Variants in XKR6 observed in about 807,000 individuals in gnomAD.
The protein encoded by XKR6 is XK related 6.
In XKR6, 22 loss-of-function variants were observed where a neutral mutation model predicts 56.7. The observed-to-expected ratio is 0.39, with a 90% CI of 0.28 to 0.55. XKR6 has a LOEUF of 0.55. Ranked by LOEUF, XKR6 falls within the 20% of genes least tolerant of loss-of-function variation. The pLI is 0.66. For synonymous variants in XKR6, 524 were observed against 387.8 expected (o/e 1.35, Z -4.13); for missense variants, 852 against 889.0 (o/e 0.96, Z 0.53).
intron 1 of XKR6, among the ~76,000 whole-genome samples, chr8:11,166,784 G>A (rs1256319296): frequency 6.6e-6 from 1 of 152,094 alleles, no homozygotes; most frequent in Non-Finnish European, 1.5e-5. Context: ...TGTTGGCCAG[G>A]CTGGTCTGGA....
In XKR6 at chr8:11,184,394, C is replaced by CAT. The variant is rs1398561818; in HGVS notation, c.764+16181_764+16182insAT. Among the ~76,000 whole-genome samples the CAT allele has an allele frequency of 3.8e-3, 231 of 61,506 alleles. 1 individual carries two copies. Among genetic ancestry groups the CAT allele is most frequent in the Middle Eastern group, 0.027 (3 of 110 alleles). The allele number at this position is 61,506 out of a possible 152,430, so 40.4% of individuals were successfully genotyped here. A position where few individuals can be genotyped will look rare whatever the true frequency, so the allele number is the denominator to read the frequency against. ...ATATATATATATACACACATACACACACACACACACACACACACACACACA... is the reference window on the plus strand; with the variant it reads ...ATATATATATATACACACATACACACATACACACACACACACACACACACACA... On this transcript the variant is annotated intron_variant, in intron 1 of 2. Transcript: ENST00000416569.
chr8:11,084,942 G>C (rs1027165657), intron 1 of XKR6, among the ~76,000 whole-genome samples: 3 of 152,170 alleles, frequency 2.0e-5, no homozygotes, highest in Non-Finnish European at 4.4e-5. Flanking sequence ...ATCTGCTGAA[G>C]AACAGCATCC....
chr8:11,043,585 G>T lies in XKR6; in HGVS notation c.765-118755C>A, dbSNP rs143939285. Among the ~76,000 whole-genome samples the T allele has an allele frequency of 5.9e-5, 9 of 152,344 alleles. No individual in the cohort carries two copies. The East Asian group carries it at 9.6e-4, about 16-fold the overall frequency. ...GCACTGGGTCTTGCACTTCCCCTGG[G>T]CAGAGTCAGTCCAGGAAATCTCTAC... is the stretch of plus-strand genomic sequence containing the variant. On this transcript the variant is annotated intron_variant, in intron 1 of 2. Coordinates refer to ENST00000416569, the MANE Select transcript of XKR6 (RefSeq NM_173683.4).
intron 1 of XKR6, among the ~76,000 whole-genome samples, chr8:11,078,242 C>T (rs946315059): frequency 1.3e-5 from 2 of 152,148 alleles, no homozygotes; most frequent in African/African-American, 4.8e-5. Flanking sequence ...TTGAATTTCT[C>T]ACTGTGTGCC....
intron 1 of XKR6, among the ~76,000 whole-genome samples, chr8:11,031,693 A>C (rs1329156710): frequency 2.9e-5 from 4 of 139,026 alleles, no homozygotes; most frequent in African/African-American, 1.4e-4. Context: ...AGCATTCTAG[A>C]AGAAGACATT....
chr8:11,068,084 T>TA (rs1471744512), intron 1 of XKR6, among the ~76,000 whole-genome samples: 1 of 152,216 alleles, frequency 6.6e-6, no homozygotes, highest in Non-Finnish European at 1.5e-5. Context: ...CCTGACTCAA[T>TA]AGTGGTGTGT....
At chr8:11,021,662 C>G (rs1798752284) in intron 1 of XKR6, among the ~76,000 whole-genome samples, 1 of 152,162 alleles carries the variant, frequency 6.6e-6, no homozygotes, top group African/African-American at 2.4e-5. Flanking sequence ...ACTTTGTTGT[C>G]AAGCACATCA....
At chr8:11,002,734 C>A (rs1798272219) in intron 1 of XKR6, among the ~76,000 whole-genome samples, 1 of 152,350 alleles carries the variant, frequency 6.6e-6, no homozygotes, top group South Asian at 2.1e-4. Flanking sequence ...CTTCTTCCAC[C>A]ACCATCATAG....
intron 1 of XKR6, among the ~76,000 whole-genome samples, chr8:11,009,289 T>C (rs1162105067): frequency 6.6e-6 from 1 of 152,170 alleles, no homozygotes; most frequent in Non-Finnish European, 1.5e-5. Flanking sequence ...GGTGAGCAGA[T>C]TGCTTGAGCC....
chr8:11,089,030 A>C (rs1797982886), intron 1 of XKR6, among the ~76,000 whole-genome samples: 1 of 152,344 alleles, frequency 6.6e-6, no homozygotes, highest in East Asian at 1.9e-4. Context: ...TAGTCAGAGT[A>C]AGGGACAGGA....
intron 1 of XKR6, among the ~76,000 whole-genome samples, chr8:11,003,514 T>G (rs1208497004): frequency 6.6e-6 from 1 of 152,210 alleles, no homozygotes; most frequent in African/African-American, 2.4e-5. Context: ...ATCACTGTCA[T>G]AGCTACCAGA....
rs540683313 is a variant in XKR6, at chr8:11,068,063, C to T, written c.764+132513G>A. Among the ~76,000 whole-genome samples the T allele has an allele frequency of 5.3e-5, 8 of 152,332 alleles. No individual in the cohort carries two copies. In the South Asian group the frequency reaches 8.3e-4, roughly 16 times the overall value. On this transcript the variant is annotated intron_variant, in intron 1 of 2. Transcript: ENST00000416569. ...TGACTTTTCCTCCTGTCTCCAGGGCCGGCCTCAGCACCTGACTCAATAGTG... is the reference window on the plus strand; with the variant it reads ...TGACTTTTCCTCCTGTCTCCAGGGCTGGCCTCAGCACCTGACTCAATAGTG...
At chr8:11,068,527 C>T (rs753613617) in intron 1 of XKR6, among the ~76,000 whole-genome samples, 5 of 152,320 alleles carry the variant, frequency 3.3e-5, no homozygotes, top group African/African-American at 4.8e-5. Context: ...CCTGCTGCTC[C>T]GTGCCTGCAC....
chr8:11,135,969 C>T (rs531260565), intron 1 of XKR6, among the ~76,000 whole-genome samples: 54 of 152,238 alleles, frequency 3.5e-4, no homozygotes, highest in Admixed American at 1.1e-3. Flanking sequence ...GTTTATATAA[C>T]TCAAAGTTAC....
chr8:10,957,346 T>C (rs1801920284), intron 1 of XKR6, among the ~76,000 whole-genome samples: 1 of 152,070 alleles, frequency 6.6e-6, no homozygotes, highest in African/African-American at 2.4e-5. Context: ...GCACAGCAGG[T>C]GGATGCAAGT....
chr8:10,929,289 T>C (rs1760726029), intron 1 of XKR6, among the ~76,000 whole-genome samples: 1 of 152,254 alleles, frequency 6.6e-6, no homozygotes, highest in South Asian at 2.1e-4. Context: ...AACACCCCTA[T>C]GAGGTAGCTG....
At chr8:10,976,745 C>T (rs1285994963) in intron 1 of XKR6, among the ~76,000 whole-genome samples, 5 of 136,004 alleles carry the variant, frequency 3.7e-5, no homozygotes, top group African/African-American at 1.4e-4. Context: ...CACTAGGCTA[C>T]CTCGCCTGTC....
chr8:11,058,458 C>T (rs1799741531), intron 1 of XKR6, among the ~76,000 whole-genome samples: 1 of 152,096 alleles, frequency 6.6e-6, no homozygotes, highest in Non-Finnish European at 1.5e-5. Flanking sequence ...CAGTGATAGA[C>T]TGGATAAAGA....
In XKR6 at chr8:11,201,106, C is replaced by G; in HGVS notation, c.234G>C (p.Leu78=). 1 of 1,504,680 alleles carries G rather than the reference C, an allele frequency of 6.6e-7. No individual in the cohort carries two copies. The highest frequency in any genetic ancestry group is 8.8e-7 in the Non-Finnish European group (1 of 1,134,036). 93.2% of individuals were successfully genotyped at this position (1,504,680 alleles called of 1,614,324 possible). A position where few individuals can be genotyped will look rare whatever the true frequency, so the allele number is the denominator to read the frequency against. The part of the protein sequence containing the change: ...GCRSACLRSL[L]GRKPRRSAAA... ...CGGCGCTGCGGCGCGGCTTCCTGCC[C>G]AGGAGGGAGCGCAGGCAGGCGGAGC... The change falls in exon 1 of 3, where the codon CTG becomes CTC. Residue 78 remains leucine (L), a synonymous_variant. Transcript: ENST00000416569.
Sources: allele counts gnomAD v4.1 joint callset (sites outside exome capture counted in the v4.1 genomes callset), GRCh38; gene constraint gnomAD v4.1.1; transcripts MANE v1.5; gene names NCBI Gene and HGNC (gene_info 2026-07-23, HGNC 2026-07-21).